CKM: variants seen among roughly 807,000 people sequenced by gnomAD.
CKM encodes the protein creatine kinase, M-type.
A neutral mutation model predicts 35.4 loss-of-function variants in CKM; 28 were observed. The observed-to-expected ratio is 0.79, with a 90% CI of 0.59 to 1.08. The LOEUF is 1.08. Ranked by LOEUF, CKM falls within the 50% of genes least tolerant of loss-of-function variation. The pLI, the probability that CKM is intolerant of heterozygous loss-of-function variation, is 0.00. For missense variants in CKM, 484 were observed against 509.8 expected, an observed-to-expected ratio of 0.95 and a Z score of 0.49; for synonymous variants, 215 against 204.4, an observed-to-expected ratio of 1.05 and a Z score of -0.44.
Position 45,322,220 on chromosome 19 carries a change from C to G in CKM, c.-19+601G>C, listed in dbSNP as rs144451772. Among the ~76,000 whole-genome samples the G allele has an allele frequency of 4.2e-4, 64 of 151,968 alleles. 3 individuals carry two copies. In the East Asian group the frequency reaches 0.012, roughly 29 times the overall value. Reference sequence around the variant, plus strand: ...GCACTGAGGCAGGGTGGTGACCCCCCCCACAAGAGACATAAGCAGAAAGCC... The same window carrying G: ...GCACTGAGGCAGGGTGGTGACCCCCGCCACAAGAGACATAAGCAGAAAGCC... On this transcript the variant is annotated intron_variant, in intron 1 of 7. Coordinates refer to ENST00000221476, the MANE Select transcript of CKM (RefSeq NM_001824.5).
chr19:45,313,040 G>A (rs990149771), intron 4 of CKM, among the ~76,000 whole-genome samples: 13 of 151,570 alleles, frequency 8.6e-5, no homozygotes, highest in African/African-American at 3.1e-4. Context: ...TTGTGCATAT[G>A]TACAATAAAT....
intron 4 of CKM, 116 bp downstream of exon 4, chr19:45,315,349 C>A: frequency 8.3e-7 from 1 of 1,199,474 alleles, no homozygotes; most frequent in South Asian, 1.4e-5. Flanking sequence ...CCACGATTTA[C>A]CAAGCTCTTC....
chr19:45,307,966 C>T (rs1268537263), intron 6 of CKM, among the ~76,000 whole-genome samples: 7 of 150,816 alleles, frequency 4.6e-5, no homozygotes, highest in South Asian at 2.1e-4. Flanking sequence ...CAGGTTCAAG[C>T]GATTCTCCTG....
rs1971077561 is a variant in CKM, at chr19:45,308,523, G to A, written c.663C>T (p.Asp221=). The A allele has an allele frequency of 6.2e-7, 1 of 1,614,084 alleles. No homozygotes were observed. The highest frequency in any genetic ancestry group is 8.5e-7 in the Non-Finnish European group (1 of 1,179,988). The change falls in exon 6 of 8, where the codon GAC becomes GAT. Residue 221 remains aspartate, a synonymous_variant. Transcript: ENST00000221476. ...WPDARGIWHN[D]NKSFLVWVNE... is the part of the protein sequence containing the mutation. ...TCACCCACACCAGGAAGCTCTTGTT[G>A]TCATTGTGCCTAGAGTAAGGTGCCG...
intron 6 of CKM, 108 bp downstream of exon 6, chr19:45,308,301 G>A (rs2100086328): frequency 1.4e-6 from 2 of 1,424,304 alleles, no homozygotes; most frequent in African/African-American, 1.4e-5. Context: ...CAGGGCCCTG[G>A]AAAATGGGTG....
intron 4 of CKM, 67 bp from the exon 5 acceptor site, chr19:45,311,987 G>C: frequency 1.3e-6 from 2 of 1,580,454 alleles, no homozygotes; most frequent in South Asian, 2.2e-5. Flanking sequence ...GAGGCCCAGG[G>C]TTTCCCCTGC....
Position 45,319,564 on chromosome 19 carries a change from G to C in CKM, c.150C>G (p.Gly50=). The C allele has an allele frequency of 6.2e-7, 1 of 1,614,106 alleles. No individual in the cohort carries two copies. Among genetic ancestry groups the C allele is most frequent in the Non-Finnish European group, 8.5e-7 (1 of 1,180,020 alleles). Residue 50 remains glycine (G), a synonymous_variant, in exon 2 of 8, where the codon GGC becomes GGG. Coordinates refer to ENST00000221476, the MANE Select transcript of CKM (RefSeq NM_001824.5). ...TCTGGATGACATCGTCTACAGTGAA[G>C]CCAGATGGAGTCTCCTTGTCCCGCA... ...KKLRDKETPS[G]FTVDDVIQTG...
At chr19:45,314,167 AGAAAG>A (rs988868301) in intron 4 of CKM, among the ~76,000 whole-genome samples, 2 of 149,756 alleles carry the variant, frequency 1.3e-5, no homozygotes, top group Non-Finnish European at 3.0e-5. Context: ...GAGGAAGAAA[AGAAAG>A]GAAAGGAAGG....
At chr19:45,309,687 C>T (rs888306717) in intron 5 of CKM, among the ~76,000 whole-genome samples, 1 of 151,934 alleles carries the variant, frequency 6.6e-6, no homozygotes, top group Non-Finnish European at 1.5e-5. Flanking sequence ...CATGGCAGAA[C>T]GCTGTCTCTA....
intron 5 of CKM, 90 bp from the exon 6 acceptor site, chr19:45,308,622 G>T: frequency 1.3e-6 from 2 of 1,564,174 alleles, no homozygotes; most frequent in Non-Finnish European, 8.8e-7. Context: ...GCCCACCGAT[G>T]GGGGAAGAGG....
In CKM at chr19:45,308,468, T is replaced by C; in HGVS notation, c.718A>G (p.Met240Val). 1 of 1,614,102 alleles carries C rather than the reference T, an allele frequency of 6.2e-7. No individual in the cohort carries two copies. The change falls in exon 6 of 8, where the codon ATG becomes GTG. Residue 240 changes from methionine (M) to valine (V), a missense_variant. Met to Val is a conservative substitution (Grantham distance 21). Transcript: ENST00000221476. ...NEEDHLRVIS[M>V]EKGGNMKEVF... Reference sequence around the variant, plus strand: ...TCCTTCATGTTGCCCCCCTTCTCCATGGAGATGACCCGGAGGTGATCCTCC... The same window carrying C: ...TCCTTCATGTTGCCCCCCTTCTCCACGGAGATGACCCGGAGGTGATCCTCC...
At chr19:45,316,585 T>C (rs1971160933) in intron 3 of CKM, among the ~76,000 whole-genome samples, 2 of 152,120 alleles carry the variant, frequency 1.3e-5, no homozygotes, top group Admixed American at 6.6e-5. Flanking sequence ...CCATAAGTGC[T>C]GGGATTACAG....
chr19:45,311,422 C>T (rs964582234), intron 5 of CKM, among the ~76,000 whole-genome samples: 3 of 151,720 alleles, frequency 2.0e-5, no homozygotes, highest in African/African-American at 7.3e-5. Flanking sequence ...TTTTAGTAGA[C>T]ACCGTGTTGG....
At chr19:45,316,932 A>C (rs906573245) in intron 3 of CKM, among the ~76,000 whole-genome samples, 20 of 151,216 alleles carry the variant, frequency 1.3e-4, no homozygotes, top group African/African-American at 4.6e-4. Flanking sequence ...TGATCCGCCC[A>C]CCTCAGCCTC....
chr19:45,319,751 G>A lies in CKM; in HGVS notation c.-18-20C>T. On this transcript the variant is annotated intron_variant, in intron 1 of 7. Coordinates refer to ENST00000221476, the MANE Select transcript of CKM (RefSeq NM_001824.5). The stretch of plus-strand genomic sequence containing the variant: ...GGAGACCTGATGGGCAGGGCAGGAG[G>A]GGAAGATTGAAGATTAGCTGGCATC... 1 of 1,593,334 alleles carries A rather than the reference G, an allele frequency of 6.3e-7. No individual in the cohort carries two copies. Among genetic ancestry groups the A allele is most frequent in the Non-Finnish European group, 8.6e-7 (1 of 1,162,474 alleles).
At chr19:45,320,393 C>T (rs537300003) in intron 1 of CKM, among the ~76,000 whole-genome samples, 4 of 152,294 alleles carry the variant, frequency 2.6e-5, no homozygotes, top group East Asian at 1.9e-4. Flanking sequence ...CACTGTGCCC[C>T]GCCTAGCTCG....
intron 1 of CKM, 27 bp from the exon 2 acceptor site, chr19:45,319,758 T>G (rs765847230): frequency 8.3e-6 from 13 of 1,566,426 alleles, no homozygotes; most frequent in South Asian, 1.1e-5. Flanking sequence ...GAGGGGAAGA[T>G]TGAAGATTAG....
chr19:45,319,408 A>C (rs1971189519), intron 2 of CKM, 113 bp downstream of exon 2: 5 of 790,370 alleles, frequency 6.3e-6, no homozygotes, highest in Non-Finnish European at 1.1e-5. Flanking sequence ...GCCCCATTTT[A>C]CAGATGAGAA....
At position 45,322,811 on chromosome 19, in the gene CKM, C is replaced by G. The variant is rs1415171587; in HGVS notation, c.-19+10G>C. ...CTGGCCCCCACCCAGATTCCCGCCC[C>G]GTGCAGTACCTGGCTGGGCTGGGCT... On this transcript the variant is annotated intron_variant, in intron 1 of 7. Coordinates refer to ENST00000221476, the MANE Select transcript of CKM (RefSeq NM_001824.5). 1.0e-6 allele frequency: 1 copy of G among 985,580 alleles called. No individual in the cohort carries two copies. The highest frequency in any genetic ancestry group is 1.2e-6 in the Non-Finnish European group (1 of 830,152). The allele number at this position is 985,580 out of a possible 1,614,324, so 61.1% of individuals were successfully genotyped here.
Sources: gnomAD v4.1 joint callset for allele counts (sites outside exome capture counted in the v4.1 genomes callset) on GRCh38, gnomAD v4.1.1 for gene constraint, MANE v1.5 for transcripts, NCBI Gene and HGNC (gene_info 2026-07-23, HGNC 2026-07-21) for gene names.